NLGN3: variants seen among roughly 807,000 people sequenced by gnomAD.
The protein encoded by NLGN3 is neuroligin-3.
In NLGN3, 11 loss-of-function variants were observed where a neutral mutation model predicts 42.9. The ratio of observed to expected loss-of-function variants is 0.26; its 90% CI spans 0.16 to 0.42. The LOEUF is 0.42. Ranked by LOEUF, NLGN3 falls within the 10% of genes least tolerant of loss-of-function variation. The probability of loss-of-function intolerance (pLI) is 1.00; values close to 1 mark genes in which losing one functional copy is unlikely to be tolerated. For synonymous variants in NLGN3, 279 were observed against 312.7 expected, an observed-to-expected ratio of 0.89 and a Z score of 1.14; for missense variants, 374 against 733.8, an observed-to-expected ratio of 0.51 and a Z score of 5.67.
Position 71,167,349 on chromosome X carries a change from G to A in NLGN3, c.1252G>A (p.Val418Met), listed in dbSNP as rs1457696847. 1 of 1,209,851 alleles carries A rather than the reference G, an allele frequency of 8.3e-7. No homozygotes were observed. Among genetic ancestry groups the A allele is most frequent in the African/African-American group, 1.8e-5 (1 of 57,115 alleles). Residue 418 changes from valine to methionine, a missense_variant, in exon 7 of 8, where the codon GTG becomes ATG. Around this residue, in one of 6 missense-constraint regions of NLGN3, gnomAD observed 142 missense variants for 359.1 expected, o/e 0.40. Coordinates refer to ENST00000358741, the MANE Select transcript of NLGN3 (RefSeq NM_181303.2). ...GEGLKFVEGV[V>M]DPEDGVSGTD... ...GGGTCTCAAGTTTGTGGAAGGGGTGGTGGACCCTGAGGATGGTGTCTCTGG... is the reference window on the plus strand; with the variant it reads ...GGGTCTCAAGTTTGTGGAAGGGGTGATGGACCCTGAGGATGGTGTCTCTGG...
chrX:71,168,559 C>T (rs1361610355), intron 7 of NLGN3, among the ~76,000 whole-genome samples: 2 of 108,144 alleles, frequency 1.8e-5, no homozygotes, highest in Non-Finnish European at 3.8e-5. Context: ...GGTGAAACAC[C>T]GTCTCTACTA....
intron 1 of NLGN3, among the ~76,000 whole-genome samples, chrX:71,146,156 CACACACACACACACAG>C (rs1170460231): frequency 0.031 from 927 of 29,803 alleles, 42 homozygotes; most frequent in African/African-American, 0.12. Flanking sequence ...CTCTCTCTCA[CACACACACACACACAG>C]ACACACACAC....
Position 71,170,485 on chromosome X carries a change from G to A in NLGN3, c.*388G>A. ...CGGCCTCTCTTGGAACTGCACCACC[G>A]ACCAACTCCAGACTTGGGAGCTTTA... On this transcript the variant is annotated 3_prime_UTR_variant, in exon 8 of 8. Transcript: ENST00000358741. The A allele has an allele frequency of 3.4e-6, 3 of 878,586 alleles. No individual in the cohort carries two copies. The highest frequency in any genetic ancestry group is 7.8e-5 in the East Asian group (1 of 12,822). 72.4% of individuals were successfully genotyped at this position (878,586 alleles called of 1,213,427 possible). A position where few individuals can be genotyped will look rare whatever the true frequency, so the allele number is the denominator to read the frequency against.
intron 1 of NLGN3, among the ~76,000 whole-genome samples, chrX:71,146,145 T>TCACA (rs1569483351): frequency 7.4e-5 from 3 of 40,800 alleles, no homozygotes; most frequent in African/African-American, 2.6e-4. Context: ...TCTCTCTCTC[T>TCACA]CTCTCTCTCA....
Position 71,167,750 on chromosome X carries a change from T to C in NLGN3, c.1653T>C (p.Val551=). The C allele has an allele frequency of 8.3e-7, 1 of 1,211,423 alleles. No homozygotes were observed. The highest frequency in any genetic ancestry group is 2.2e-5 in the Admixed American group (1 of 45,972). The change falls in exon 7 of 8, where the codon GTT becomes GTC. Residue 551 remains valine (V), a synonymous_variant. Transcript: ENST00000358741. ...CCTGCAACTTCTCCAAGAATGATGT[T>C]ATGCTCAGTGCTGTCGTCATGACCT... is the stretch of plus-strand genomic sequence containing the variant. ...LFPCNFSKND[V]MLSAVVMTYW...
In NLGN3 at chrX:71,146,172, G is replaced by GACACACACACACACAC. The variant is rs1168453634; in HGVS notation, c.-201+1242_-201+1257dup. 2.1e-4 allele frequency among the ~76,000 whole-genome samples: 8 copies of GACACACACACACACAC among 38,213 alleles called. 1 individual carries two copies. The highest frequency in any genetic ancestry group is 3.3e-4 in the Non-Finnish European group (7 of 21,382). The allele number at this position is 38,213 out of a possible 115,157, so 33.2% of individuals were successfully genotyped here. ...TCTCTCTCACACACACACACACACA[G>GACACACACACACACAC]ACACACACACACACACACACACACA... On this transcript the variant is annotated intron_variant, in intron 1 of 7. Transcript: ENST00000358741.
At chrX:71,146,938 C>T (rs934797691) in intron 1 of NLGN3, among the ~76,000 whole-genome samples, 2 of 111,564 alleles carry the variant, frequency 1.8e-5, no homozygotes, top group South Asian at 7.6e-4. Flanking sequence ...GATTTGGGAG[C>T]AGTGAGGGCT....
chrX:71,172,657 A>T (rs867860236), downstream of NLGN3, among the ~76,000 whole-genome samples: 25 of 92,758 alleles, frequency 2.7e-4, no homozygotes, highest in African/African-American at 1.3e-3. Flanking sequence ...TGTGTGTGTG[A>T]GATCTAGAAA....
chrX:71,145,495 C>A (rs1569483296), intron 1 of NLGN3, among the ~76,000 whole-genome samples: 1 of 108,347 alleles, frequency 9.2e-6, no homozygotes, highest in Non-Finnish European at 1.9e-5. Flanking sequence ...GCCCCGCGCC[C>A]AGCACCGCTG....
intron 5 of NLGN3, among the ~76,000 whole-genome samples, chrX:71,162,270 GCAC>G (rs1161323785): frequency 1.8e-5 from 2 of 110,878 alleles, no homozygotes; most frequent in Admixed American, 9.6e-5. Flanking sequence ...CCACAGGCAT[GCAC>G]CACCACAACT....
At chrX:71,145,436 C>T (rs72628895) in intron 1 of NLGN3, among the ~76,000 whole-genome samples, 6,707 of 104,241 alleles carry the variant, frequency 0.064, 367 homozygotes, top group Admixed American at 0.23. Flanking sequence ...TCCAAGCCCT[C>T]GTAGCCCCCA....
At position 71,169,749 on chromosome X, in the gene NLGN3, G is replaced by T; in HGVS notation, c.2199G>T (p.Lys733Asn). ...CCTTCGCTGCCCTCTACTACCGTAA[G>T]GACAAACGGCGCCAGGAGCCCCTGC... ...VLAFAALYYRKDKRRQEPLRQ... is the reference protein window; with the variant it reads ...VLAFAALYYRNDKRRQEPLRQ... The change falls in exon 8 of 8, where the codon AAG becomes AAT. Residue 733 changes from lysine to asparagine, a missense_variant. Transcript: ENST00000358741. The T allele has an allele frequency of 8.3e-7, 1 of 1,211,873 alleles. No individual in the cohort carries two copies. Among genetic ancestry groups the T allele is most frequent in the Non-Finnish European group, 1.1e-6 (1 of 895,492 alleles).
chrX:71,155,101 T>C (rs1259835194), intron 4 of NLGN3, 113 bp from the exon 5 acceptor site: 2 of 845,592 alleles, frequency 2.4e-6, no homozygotes, highest in East Asian at 6.7e-5. Flanking sequence ...GGGATGGCGG[T>C]GGTGTCCTGG....
chrX:71,166,284 C>T (rs1457635461), intron 6 of NLGN3, among the ~76,000 whole-genome samples: 2 of 110,502 alleles, frequency 1.8e-5, no homozygotes, highest in East Asian at 2.9e-4. Flanking sequence ...TGGTGAAACC[C>T]CGTCTCTACT....
intron 3 of NLGN3, 24 bp downstream of exon 3, chrX:71,148,929 G>GGAGA: frequency 2.1e-6 from 2 of 947,840 alleles, no homozygotes; most frequent in Non-Finnish European, 2.8e-6. Flanking sequence ...CGGCGGGGAG[G>GGAGA]GAGAGAGAGA....
In NLGN3 at chrX:71,169,269, G is replaced by A. The variant is rs370836243; in HGVS notation, c.1719G>A (p.Pro573=). The change falls in exon 8 of 8, where the codon CCG becomes CCA. Residue 573 remains proline (P), a synonymous_variant. Transcript: ENST00000358741. ...NFAKTGDPNK[P]VPQDTKFIHT... ...GGTATTTCAGGGATCCCAACAAGCCGGTCCCCCAGGACACCAAGTTCATTC... is the reference window on the plus strand; with the variant it reads ...GGTATTTCAGGGATCCCAACAAGCCAGTCCCCCAGGACACCAAGTTCATTC... The A allele has an allele frequency of 4.9e-5, 59 of 1,208,697 alleles. No homozygotes were observed. Among genetic ancestry groups the A allele is most frequent in the African/African-American group, 1.1e-4 (6 of 56,846 alleles).
rs1001970247 is a variant in NLGN3 at position 71,170,159 on chromosome X, A to G, written c.*62A>G. Reference sequence around the variant, plus strand: ...CCCTCCCAGATCCAGGAACACATGCACACACACACACACACACACGCAGAC... The same window carrying G: ...CCCTCCCAGATCCAGGAACACATGCGCACACACACACACACACACGCAGAC... On this transcript the variant is annotated 3_prime_UTR_variant, in exon 8 of 8. Coordinates refer to ENST00000358741, the MANE Select transcript of NLGN3 (RefSeq NM_181303.2). 1.4e-5 allele frequency: 8 copies of G among 555,067 alleles called. No individual in the cohort carries two copies. In the South Asian group the frequency reaches 1.7e-4, roughly 12 times the overall value. 45.7% of individuals were successfully genotyped at this position (555,067 alleles called of 1,213,427 possible).
intron 5 of NLGN3, among the ~76,000 whole-genome samples, chrX:71,158,556 T>A (rs2092417970): frequency 8.9e-6 from 1 of 112,263 alleles, no homozygotes; most frequent in African/African-American, 3.2e-5. Flanking sequence ...CAATGCTCCA[T>A]TCTATAAGGT....
At position 71,147,956 on chromosome X, in the gene NLGN3, C is replaced by T; in HGVS notation, c.207C>T (p.Tyr69=). The T allele has an allele frequency of 8.3e-7, 1 of 1,208,913 alleles. No homozygotes were observed. Among genetic ancestry groups the T allele is most frequent in the South Asian group, 1.8e-5 (1 of 56,648 alleles). The change falls in exon 2 of 8, where the codon TAC becomes TAT. Residue 69 remains tyrosine (Y), a synonymous_variant. Transcript: ENST00000358741. ...PSEILGPVDQ[Y]LGVPYAAPPI... is the part of the protein sequence containing the mutation. ...AGATCCTGGGGCCTGTGGACCAATA[C>T]CTGGGGGTGCCCTACGCAGCTCCCC... is the stretch of plus-strand genomic sequence containing the variant.
Sources: allele counts gnomAD v4.1 joint callset (sites outside exome capture counted in the v4.1 genomes callset), GRCh38; gene constraint gnomAD v4.1.1; regional missense constraint gnomAD v4.1.1; transcripts MANE v1.5; gene names NCBI Gene and HGNC (gene_info 2026-07-23, HGNC 2026-07-21).